The following EPB41L5 variants were observed in gnomAD, a reference collection of about 807,000 sequenced individuals.
EPB41L5 encodes the protein erythrocyte membrane protein band 4.1 like 5, also known as band 4.1-like protein 5.
Under a neutral mutation model 106.6 loss-of-function variants are expected in EPB41L5, and 55 were observed. That is an observed-to-expected ratio of 0.52 (90% CI 0.42 to 0.65). The LOEUF is 0.65. EPB41L5 is among the 30% of genes least tolerant of loss of function. EPB41L5 has a pLI of 0.00. For missense variants in EPB41L5, 871 were observed against 882.1 expected, an observed-to-expected ratio of 0.99 and a Z score of 0.16; for synonymous variants, 297 against 306.7, an observed-to-expected ratio of 0.97 and a Z score of 0.33.
intron 20 of EPB41L5, among the ~76,000 whole-genome samples, chr2:120,150,134 C>T (rs964455636): frequency 2.0e-5 from 3 of 151,952 alleles, no homozygotes; most frequent in African/African-American, 7.3e-5. Flanking sequence ...TGAGCTCAAG[C>T]GAGCCTCCCA....
chr2:120,142,128 A>C (rs1385133867), intron 18 of EPB41L5, among the ~76,000 whole-genome samples: 3 of 150,450 alleles, frequency 2.0e-5, no homozygotes, highest in Non-Finnish European at 3.0e-5. Context: ...AAAAAAAAAA[A>C]AAAAAACAAG....
intron 5 of EPB41L5, among the ~76,000 whole-genome samples, chr2:120,075,118 G>C (rs1028379794): frequency 2.0e-5 from 3 of 152,182 alleles, no homozygotes; most frequent in African/African-American, 7.2e-5. Context: ...GTGAGCCACT[G>C]CACCAGGCCT....
intron 11 of EPB41L5, among the ~76,000 whole-genome samples, chr2:120,087,559 G>A (rs957672990): frequency 3.3e-5 from 5 of 152,170 alleles, no homozygotes; most frequent in African/African-American, 2.4e-5. Context: ...ATAGCTCACT[G>A]TAACCTTCAC....
chr2:120,140,454 A>G (rs1686122030), intron 18 of EPB41L5, among the ~76,000 whole-genome samples: 1 of 151,988 alleles, frequency 6.6e-6, no homozygotes, highest in South Asian at 2.1e-4. Flanking sequence ...AATAGAAAAG[A>G]TTTTTTAAGA....
At chr2:120,043,804 A>C (rs1679584624) in intron 3 of EPB41L5, among the ~76,000 whole-genome samples, 1 of 152,162 alleles carries the variant, frequency 6.6e-6, no homozygotes, top group Admixed American at 6.5e-5. Context: ...GAGTGGTAGA[A>C]GTAGTCATAA....
intron 18 of EPB41L5, among the ~76,000 whole-genome samples, chr2:120,142,146 A>G (rs1362003900): frequency 6.7e-6 from 1 of 150,284 alleles, no homozygotes; most frequent in African/African-American, 2.4e-5. Flanking sequence ...AAGGTAAAAT[A>G]TACATATATA....
chr2:120,051,497 G>A (rs561943102), intron 3 of EPB41L5, among the ~76,000 whole-genome samples: 151 of 152,300 alleles, frequency 9.9e-4, no homozygotes, highest in African/African-American at 3.4e-3. Flanking sequence ...TGCTAAGACC[G>A]TTGGAAAAGC....
intron 20 of EPB41L5, among the ~76,000 whole-genome samples, chr2:120,148,512 C>G (rs1686513381): frequency 6.6e-6 from 1 of 152,112 alleles, no homozygotes; most frequent in South Asian, 2.1e-4. Flanking sequence ...TTAGCAGTCA[C>G]TCCATATTCT....
Position 120,143,127 on chromosome 2 carries a change from A to G in EPB41L5, c.1724A>G (p.His575Arg), listed in dbSNP as rs1400930556. Residue 575 changes from histidine (H) to arginine (R), a missense_variant, in exon 19 of 25, where the codon CAT becomes CGT. Coordinates refer to ENST00000263713, the MANE Select transcript of EPB41L5 (RefSeq NM_020909.4). ...NILKAQVEAV[H>R]KVTKEDSLLS... ...TTGAAGGCTCAAGTAGAAGCAGTGC[A>G]TAAGGTAAGCTGCCTTTGATAGATA... The G allele has an allele frequency of 1.9e-6, 3 of 1,593,504 alleles. No homozygotes were observed. The African/African-American group carries it at 4.1e-5, about 22-fold the overall frequency.
chr2:120,136,854 A>G (rs977158305), intron 18 of EPB41L5, among the ~76,000 whole-genome samples: 5 of 152,066 alleles, frequency 3.3e-5, no homozygotes, highest in East Asian at 3.9e-4. Context: ...AATTAACTCA[A>G]AAAATTGGAT....
intron 23 of EPB41L5, 36 bp downstream of exon 23, chr2:120,167,543 A>G (rs758329365): frequency 3.7e-6 from 6 of 1,607,088 alleles, no homozygotes; most frequent in Admixed American, 1.7e-5. Context: ...TCTTCTGGCT[A>G]CCCTTTCAGG....
At chr2:120,127,067 A>ATATC (rs1685487410) in intron 16 of EPB41L5, among the ~76,000 whole-genome samples, 1 of 152,166 alleles carries the variant, frequency 6.6e-6, no homozygotes, top group African/African-American at 2.4e-5. Context: ...TTTTTCATGT[A>ATATC]TAGATATACA....
At chr2:120,092,000 A>T (rs1030183525) in intron 13 of EPB41L5, among the ~76,000 whole-genome samples, 4 of 140,102 alleles carry the variant, frequency 2.9e-5, no homozygotes, top group African/African-American at 8.0e-5. Context: ...AGGAATTTTT[A>T]AAAACATTTT....
At chr2:120,047,648 T>C (rs544693342) in intron 3 of EPB41L5, among the ~76,000 whole-genome samples, 2 of 152,282 alleles carry the variant, frequency 1.3e-5, no homozygotes, top group East Asian at 3.9e-4. Flanking sequence ...TTGAATAGCC[T>C]TTATTTCTTT....
At chr2:120,091,474 C>T in intron 12 of EPB41L5, 81 bp from the exon 13 acceptor site, 1 of 911,502 alleles carries the variant, frequency 1.1e-6, no homozygotes. Context: ...TTAAGGAGAA[C>T]CTGAATGTGG....
chr2:120,069,128 CAAAAAAAAA>C (rs539813602), intron 3 of EPB41L5, among the ~76,000 whole-genome samples: 1 of 79,568 alleles, frequency 1.3e-5, no homozygotes, highest in Admixed American at 1.4e-4. Flanking sequence ...AACTCTGTCT[CAAAAAAAAA>C]AAAAAAAAAA....
chr2:120,171,309 G>A (rs1473753844), intron 24 of EPB41L5, among the ~76,000 whole-genome samples: 1 of 152,222 alleles, frequency 6.6e-6, no homozygotes, highest in Non-Finnish European at 1.5e-5. Flanking sequence ...CGAAATTGTA[G>A]GTACCAGATA....
intron 14 of EPB41L5, among the ~76,000 whole-genome samples, chr2:120,098,182 G>GTGTGTGTGTGTGTGTGTA (rs1265796177): frequency 1.3e-5 from 2 of 151,484 alleles, no homozygotes; most frequent in African/African-American, 4.9e-5. Flanking sequence ...GTGTGTGTGT[G>GTGTGTGTGTGTGTGTGTA]TGTGTGTTTT....
At chr2:120,080,926 T>C (rs1404684609) in intron 10 of EPB41L5, among the ~76,000 whole-genome samples, 1 of 152,248 alleles carries the variant, frequency 6.6e-6, no homozygotes, top group Non-Finnish European at 1.5e-5. Flanking sequence ...TGTCTGTTCA[T>C]ATCCTTTGCC....
Sources: allele counts gnomAD v4.1 joint callset (sites outside exome capture counted in the v4.1 genomes callset), GRCh38; gene constraint gnomAD v4.1.1; transcripts MANE v1.5; gene names NCBI Gene and HGNC (gene_info 2026-07-23, HGNC 2026-07-21).